The following SASH1 variants were observed in gnomAD, a reference collection of about 807,000 sequenced individuals.
SASH1 encodes the protein SAM and SH3 domain containing 1.
A neutral mutation model predicts 125.2 loss-of-function variants in SASH1; 44 were observed. The ratio of observed to expected loss-of-function variants is 0.35; its 90% CI spans 0.28 to 0.45. SASH1 has a LOEUF of 0.45. Among genes scored for constraint, SASH1 ranks in the 20% least tolerant of loss-of-function variants. The pLI, the probability that SASH1 is intolerant of heterozygous loss-of-function variation, is 1.00. For missense variants in SASH1, 1,426 were observed against 1,614.5 expected, an observed-to-expected ratio of 0.88 and a Z score of 2.00; for synonymous variants, 639 against 649.1, an observed-to-expected ratio of 0.98 and a Z score of 0.24.
At chr6:148,322,701 T>C (rs1263659047) in intron 1 of SASH1, among the ~76,000 whole-genome samples, 1 of 152,216 alleles carries the variant, frequency 6.6e-6, no homozygotes, top group African/African-American at 2.4e-5. Flanking sequence ...CTTGGCATCA[T>C]GCCATGATAA....
chr6:148,208,818 T>G, the SASH1 span, among the ~76,000 whole-genome samples: 3 of 152,200 alleles, frequency 2.0e-5, no homozygotes, highest in African/African-American at 2.4e-5. Flanking sequence ...CTCTTTCAAC[T>G]ATATAGAAAC....
intron 1 of SASH1, among the ~76,000 whole-genome samples, chr6:148,310,282 AC>A (rs1422338644): frequency 3.9e-5 from 6 of 152,198 alleles, no homozygotes; most frequent in Admixed American, 2.0e-4. Flanking sequence ...AGATTGCGAC[AC>A]TGCACTCCAG....
chr6:148,386,600 C>G (rs1002749820), intron 1 of SASH1, among the ~76,000 whole-genome samples: 3 of 152,198 alleles, frequency 2.0e-5, no homozygotes, highest in African/African-American at 7.2e-5. Context: ...CATGGACTTT[C>G]TATTTGGTCA....
intron 16 of SASH1, among the ~76,000 whole-genome samples, chr6:148,535,499 C>A (rs1367465664): frequency 6.6e-6 from 1 of 152,182 alleles, no homozygotes; most frequent in Non-Finnish European, 1.5e-5. Flanking sequence ...AAATGAAATT[C>A]ATCAGCTTTC....
intron 16 of SASH1, among the ~76,000 whole-genome samples, chr6:148,538,252 A>G (rs1487964137): frequency 6.6e-6 from 1 of 152,178 alleles, no homozygotes; most frequent in East Asian, 1.9e-4. Flanking sequence ...TCCATGCTGC[A>G]GTAGGAGCAG....
At chr6:148,319,189 C>T (rs1055126442) in intron 1 of SASH1, among the ~76,000 whole-genome samples, 3 of 151,856 alleles carry the variant, frequency 2.0e-5, no homozygotes, top group Non-Finnish European at 2.9e-5. Flanking sequence ...CCCACCACCA[C>T]GTCCGGCTAA....
intron 1 of SASH1, among the ~76,000 whole-genome samples, chr6:148,349,241 CTTCTTTCTTTCTTTTTTTTTTTTTTTTTT>C (rs1781624947): frequency 1.1e-5 from 1 of 87,102 alleles, no homozygotes; most frequent in Admixed American, 1.3e-4. Context: ...TTCATTCTTT[CTTCTTTCTTTCTTTTTTTTTTTTTTTTTT>C]TTTTTTTTTT....
chr6:148,249,159 T>C, the SASH1 span, among the ~76,000 whole-genome samples: 1 of 152,222 alleles, frequency 6.6e-6, no homozygotes, highest in South Asian at 2.1e-4. Flanking sequence ...ATTAAAAAAA[T>C]AAATTTACAT....
intron 2 of SASH1, among the ~76,000 whole-genome samples, chr6:148,390,996 A>G (rs947815408): frequency 6.6e-6 from 1 of 152,040 alleles, no homozygotes; most frequent in Admixed American, 6.6e-5. Context: ...AAGGAACAAT[A>G]AATCACCTGT....
At chr6:148,236,235 G>A in the SASH1 span, among the ~76,000 whole-genome samples, 160 of 150,356 alleles carry the variant, frequency 1.1e-3, 2 homozygotes, top group East Asian at 0.03. Context: ...TTTTTTTTGA[G>A]ATGGACTCTT....
At chr6:148,218,014 CAA>C in the SASH1 span, among the ~76,000 whole-genome samples, 5 of 138,146 alleles carry the variant, frequency 3.6e-5, no homozygotes, top group East Asian at 2.1e-4. Context: ...GACTCTGTCT[CAA>C]AAAAAAAAAA....
At position 148,519,645 on chromosome 6, in the gene SASH1, C is replaced by G. The variant is rs1780679765; in HGVS notation, c.961C>G (p.Pro321Ala). Residue 321 changes from proline (P) to alanine (A), a missense_variant, in exon 10 of 20, where the codon CCT becomes GCT. Transcript: ENST00000367467. The surrounding 1 kb of genome is among the most constrained non-coding windows in gnomAD (Gnocchi z 4.8). ...HKKPLFFDGS[P>A]EKPPEDDSDS... ...GAAGCCCCTTTTCTTTGATGGCTCT[C>G]CTGAGAAACCTCCCGAAGATGACTC... 1 of 1,614,134 alleles carries G rather than the reference C, an allele frequency of 6.2e-7. No homozygotes were observed.
intron 7 of SASH1, among the ~76,000 whole-genome samples, chr6:148,481,483 C>T (rs1180363628): frequency 3.3e-5 from 5 of 152,202 alleles, no homozygotes; most frequent in Admixed American, 2.0e-4. Flanking sequence ...GTGCCCTCCT[C>T]ACTAAGCTTA....
the SASH1 span, among the ~76,000 whole-genome samples, chr6:148,219,976 A>G: frequency 5.9e-5 from 9 of 152,296 alleles, no homozygotes; most frequent in East Asian, 1.7e-3. Flanking sequence ...GCAAAGGTGA[A>G]ATAGGACATG....
At chr6:148,441,016 A>G (rs955684020) in intron 4 of SASH1, among the ~76,000 whole-genome samples, 1 of 152,262 alleles carries the variant, frequency 6.6e-6, no homozygotes, top group African/African-American at 2.4e-5. Context: ...GGCAACATAA[A>G]TAAGACAAAA....
At chr6:148,216,253 T>C in the SASH1 span, among the ~76,000 whole-genome samples, 3 of 152,224 alleles carry the variant, frequency 2.0e-5, no homozygotes, top group African/African-American at 4.8e-5. Flanking sequence ...TAGTATTACT[T>C]TTCCACATCT....
upstream of SASH1, among the ~76,000 whole-genome samples, chr6:148,269,727 G>GA (rs750809691): frequency 1.3e-5 from 2 of 152,118 alleles, no homozygotes; most frequent in Non-Finnish European, 2.9e-5. Flanking sequence ...GTCATATTCT[G>GA]AGGTATTCAG....
At chr6:148,456,729 G>A (rs542305967) in intron 4 of SASH1, among the ~76,000 whole-genome samples, 1 of 151,886 alleles carries the variant, frequency 6.6e-6, no homozygotes, top group African/African-American at 2.4e-5. Flanking sequence ...GGACATGGTG[G>A]TGCGCGCCTG....
intron 4 of SASH1, among the ~76,000 whole-genome samples, chr6:148,466,842 T>C (rs1244845102): frequency 1.3e-5 from 2 of 152,020 alleles, no homozygotes; most frequent in African/African-American, 4.8e-5. Context: ...AACTCATACC[T>C]GGCCTCCCAC....
Sources: gnomAD v4.1 joint callset for allele counts (sites outside exome capture counted in the v4.1 genomes callset) on GRCh38, gnomAD v4.1.1 for gene constraint, Gnocchi (gnomAD v3.1) non-coding constraint, MANE v1.5 for transcripts, NCBI Gene and HGNC (gene_info 2026-07-23, HGNC 2026-07-21) for gene names.